CHPT1: variants seen among roughly 807,000 people sequenced by gnomAD.
CHPT1 encodes choline phosphotransferase 1.
CHPT1 carries 36 observed loss-of-function variants against 47.6 expected under a neutral mutation model. The observed-to-expected ratio is 0.76, with a 90% CI of 0.58 to 1.00. The LOEUF (loss-of-function observed/expected upper bound fraction) is 1.00, where lower values mean the gene tolerates loss of function less well. Ranked by LOEUF, CHPT1 falls within the 50% of genes least tolerant of loss-of-function variation. CHPT1 has a pLI of 0.00. For synonymous variants in CHPT1, 194 were observed against 186.3 expected (o/e 1.04, Z -0.33); for missense variants, 458 against 498.1 (o/e 0.92, Z 0.77).
At chr12:101,701,162 A>G (rs1073083) in intron 1 of CHPT1, among the ~76,000 whole-genome samples, 1 of 152,034 alleles carries the variant, frequency 6.6e-6, no homozygotes, top group Non-Finnish European at 1.5e-5. Context: ...ATCATTTCCA[A>G]TAAGGAACTT....
chr12:101,719,034 G>C (rs1023655810), intron 4 of CHPT1, among the ~76,000 whole-genome samples: 2 of 151,574 alleles, frequency 1.3e-5, no homozygotes, highest in Non-Finnish European at 2.9e-5. Context: ...ATGGGCACCT[G>C]TAATCCCAGC....
chr12:101,724,839 A>G (rs767862021), intron 7 of CHPT1, among the ~76,000 whole-genome samples: 8 of 152,226 alleles, frequency 5.3e-5, no homozygotes, highest in Non-Finnish European at 1.2e-4. Context: ...GAAAATCAAT[A>G]TTGGTAACAC....
At chr12:101,718,502 T>C (rs2137021137) in intron 4 of CHPT1, among the ~76,000 whole-genome samples, 1 of 152,070 alleles carries the variant, frequency 6.6e-6, no homozygotes, top group East Asian at 1.9e-4. Context: ...ACAAAAATTC[T>C]GTAAAACTTT....
chr12:101,708,015 T>C (rs776412053), intron 1 of CHPT1, among the ~76,000 whole-genome samples: 1 of 152,162 alleles, frequency 6.6e-6, no homozygotes, highest in Non-Finnish European at 1.5e-5. Context: ...TGTGTGAAAA[T>C]TGAATAAATT....
chr12:101,705,792 C>CTTG lies in CHPT1; in HGVS notation c.273+7659_273+7661dup, dbSNP rs1951623056. 2.1e-5 allele frequency among the ~76,000 whole-genome samples: 3 copies of CTTG among 142,734 alleles called. No individual in the cohort carries two copies. In the South Asian group the frequency reaches 7.2e-4, roughly 34 times the overall value. 93.6% of individuals were successfully genotyped at this position (142,734 alleles called of 152,430 possible). A position where few individuals can be genotyped will look rare whatever the true frequency, so the allele number is the denominator to read the frequency against. On this transcript the variant is annotated intron_variant, in intron 1 of 8. Coordinates refer to ENST00000229266, the MANE Select transcript of CHPT1 (RefSeq NM_020244.3). ...TGTTTGTTTTTGAGATAGGGTCTCA[C>CTTG]TTGGCTCACTGCAACCTTGGCCTAC... is the stretch of plus-strand genomic sequence containing the variant.
At chr12:101,723,140 G>A in intron 5 of CHPT1, 28 bp from the exon 6 acceptor site, 1 of 1,597,200 alleles carries the variant, frequency 6.3e-7, no homozygotes, top group Non-Finnish European at 8.6e-7. Flanking sequence ...GTTAAAATGT[G>A]ATACTGATTT....
intron 4 of CHPT1, among the ~76,000 whole-genome samples, chr12:101,717,744 G>T (rs1439844412): frequency 6.6e-6 from 1 of 151,890 alleles, no homozygotes; most frequent in Non-Finnish European, 1.5e-5. Context: ...ATAGTTTTGT[G>T]GTAAACATGA....
intron 3 of CHPT1, among the ~76,000 whole-genome samples, chr12:101,716,353 T>A (rs1383334441): frequency 6.6e-6 from 1 of 152,212 alleles, no homozygotes; most frequent in Non-Finnish European, 1.5e-5. Context: ...AATCATATGG[T>A]TGTTTTTATT....
Position 101,709,590 on chromosome 12 carries a change from A to G in CHPT1, c.274-4500A>G, listed in dbSNP as rs1049235534. Among the ~76,000 whole-genome samples, 3 of 148,474 alleles carry G rather than the reference A, an allele frequency of 2.0e-5. 1 individual carries two copies. Among genetic ancestry groups the G allele is most frequent in the Non-Finnish European group, 4.5e-5 (3 of 66,404 alleles). ...TGGAGGTGGTGACCAAAGGAAAAAG[A>G]GAAGATAGGTCTGGCTCCTGAGGCC... is the stretch of plus-strand genomic sequence containing the variant. On this transcript the variant is annotated intron_variant, in intron 1 of 8. Coordinates refer to ENST00000229266, the MANE Select transcript of CHPT1 (RefSeq NM_020244.3).
intron 5 of CHPT1, among the ~76,000 whole-genome samples, 167 bp from the exon 6 acceptor site, chr12:101,723,001 C>G (rs1460169634): frequency 6.6e-6 from 1 of 152,188 alleles, no homozygotes; most frequent in African/African-American, 2.4e-5. Flanking sequence ...CCCTCAGGTT[C>G]TATGAAACCT....
chr12:101,708,840 G>A (rs528283936), intron 1 of CHPT1, among the ~76,000 whole-genome samples: 1 of 148,498 alleles, frequency 6.7e-6, no homozygotes, highest in Admixed American at 6.9e-5. Flanking sequence ...CAAGTGATCA[G>A]CCCACCTTGG....
chr12:101,706,282 G>A (rs892562567), intron 1 of CHPT1, among the ~76,000 whole-genome samples: 28 of 151,592 alleles, frequency 1.8e-4, no homozygotes, highest in African/African-American at 6.8e-4. Flanking sequence ...CCTGGGAGGC[G>A]GAGGTTGCAG....
chr12:101,722,595 G>A (rs931087221), intron 5 of CHPT1, among the ~76,000 whole-genome samples: 3 of 151,560 alleles, frequency 2.0e-5, no homozygotes, highest in Non-Finnish European at 4.4e-5. Flanking sequence ...GCTCTCGCCT[G>A]TAATCCCAGC....
At chr12:101,719,389 A>G in intron 4 of CHPT1, 1 of 434,360 alleles carries the variant, frequency 2.3e-6, no homozygotes, top group Non-Finnish European at 4.4e-6. Flanking sequence ...AGTTTCCACA[A>G]ATTTTGGTAC....
chr12:101,716,253 A>G (rs1244202172), intron 3 of CHPT1, among the ~76,000 whole-genome samples: 1 of 152,230 alleles, frequency 6.6e-6, no homozygotes, highest in African/African-American at 2.4e-5. Context: ...AAAAAACTAC[A>G]GTGACTATTA....
At chr12:101,716,469 A>G (rs1951764655) in intron 3 of CHPT1, among the ~76,000 whole-genome samples, 1 of 152,212 alleles carries the variant, frequency 6.6e-6, no homozygotes, top group Admixed American at 6.5e-5. Context: ...AACATCAGTG[A>G]TAACTATTAG....
chr12:101,710,161 A>G (rs1003306320), intron 1 of CHPT1, among the ~76,000 whole-genome samples: 15 of 148,630 alleles, frequency 1.0e-4, no homozygotes, highest in Admixed American at 3.4e-4. Context: ...CCTGGGCAAC[A>G]TGGCAAAACC....
intron 1 of CHPT1, among the ~76,000 whole-genome samples, chr12:101,702,791 T>G (rs1276503206): frequency 6.6e-6 from 1 of 152,192 alleles, no homozygotes; most frequent in South Asian, 2.1e-4. Context: ...CCTCTCTCAT[T>G]AAAACAAAAT....
At chr12:101,704,120 T>C (rs770056708) in intron 1 of CHPT1, among the ~76,000 whole-genome samples, 78 of 152,312 alleles carry the variant, frequency 5.1e-4, no homozygotes, top group Non-Finnish European at 9.7e-4. Flanking sequence ...GGTTATTGGT[T>C]ATCTAATTCC....
Sources: gnomAD v4.1 joint callset for allele counts (sites outside exome capture counted in the v4.1 genomes callset) on GRCh38, gnomAD v4.1.1 for gene constraint, MANE v1.5 for transcripts, NCBI Gene and HGNC (gene_info 2026-07-23, HGNC 2026-07-21) for gene names.